RBFA: variants seen among roughly 807,000 people sequenced by gnomAD.
The protein encoded by RBFA is putative ribosome-binding factor A, mitochondrial.
RBFA carries 16 observed loss-of-function variants against 27.9 expected under a neutral mutation model. The ratio of observed to expected loss-of-function variants is 0.57; its 90% CI spans 0.39 to 0.87. The LOEUF is 0.87. RBFA is among the 40% of genes least tolerant of loss of function. The pLI, the probability that RBFA is intolerant of heterozygous loss-of-function variation, is 0.00. For missense variants in RBFA, 456 were observed against 432.1 expected, an observed-to-expected ratio of 1.06 and a Z score of -0.49; for synonymous variants, 181 against 181.0, an observed-to-expected ratio of 1.00 and a Z score of 0.00.
intron 4 of RBFA, chr18:80,041,286 C>T: frequency 6.6e-6 from 1 of 152,172 alleles, no homozygotes. Flanking sequence ...TCCCTCTTCC[C>T]AACTCCTGCG....
At chr18:80,041,966 T>G (rs1599768660) in intron 4 of RBFA, 169 bp from the exon 5 acceptor site, 2 of 290,648 alleles carry the variant, frequency 6.9e-6, no homozygotes. Flanking sequence ...GACCTCGTGA[T>G]CCGCCCGCCT....
intron 6 of RBFA, among the ~76,000 whole-genome samples, chr18:80,045,098 G>A (rs957697576): frequency 6.6e-6 from 1 of 152,264 alleles, no homozygotes; most frequent in African/African-American, 2.4e-5. Context: ...GCCTTGACTA[G>A]GTGCTGTTCA....
intron 4 of RBFA, 58 bp downstream of exon 4, chr18:80,038,675 G>A: frequency 7.7e-7 from 1 of 1,293,928 alleles, no homozygotes. Flanking sequence ...AAATTTCTCA[G>A]CTGTTTCACT....
Position 80,048,424 on chromosome 18 carries a change from A to G in RBFA, c.*2269A>G, listed in dbSNP as rs932082366. On this transcript the variant is annotated 3_prime_UTR_variant, in exon 7 of 7. Transcript: ENST00000306735. ...CCTTTGCATACACACCTTTGCATGC[A>G]TCTGATGTGCCCAGGCTGTGTTTTA... Among the ~76,000 whole-genome samples the G allele has an allele frequency of 6.6e-6, 1 of 152,174 alleles. No individual in the cohort carries two copies. Among genetic ancestry groups the G allele is most frequent in the Non-Finnish European group, 1.5e-5 (1 of 68,028 alleles).
At position 80,038,739 on chromosome 18, in the gene RBFA, G is replaced by A. The variant is rs1234527555; in HGVS notation, c.491+122G>A. The A allele has an allele frequency of 6.1e-6, 4 of 660,376 alleles. No homozygotes were observed. In the Admixed American group the frequency reaches 9.8e-5, roughly 16 times the overall value. 40.9% of individuals were successfully genotyped at this position (660,376 alleles called of 1,614,324 possible). A position where few individuals can be genotyped will look rare whatever the true frequency, so the allele number is the denominator to read the frequency against. On this transcript the variant is annotated intron_variant, in intron 4 of 6. Coordinates refer to ENST00000306735, the MANE Select transcript of RBFA (RefSeq NM_024805.3). ...TATTTTTGCTTTTAAAGAAAATTTT[G>A]GAGGCATTTTCTTGAAGTTCATAGT...
Position 80,048,032 on chromosome 18 carries a change from G to C in RBFA, c.*1877G>C, listed in dbSNP as rs2052068341. 6.6e-6 allele frequency: 1 copy of C among 152,210 alleles called. No homozygotes were observed. The highest frequency in any genetic ancestry group is 2.4e-5 in the African/African-American group (1 of 41,448). The allele number at this position is 152,210 out of a possible 1,614,324, so 9.4% of individuals were successfully genotyped here. ...TATGTGAATTCATTTATGTACAAGA[G>C]ACCTCCCCATCCTGATGTAGGAAAT... is the stretch of plus-strand genomic sequence containing the variant. On this transcript the variant is annotated 3_prime_UTR_variant, in exon 7 of 7. Transcript: ENST00000306735.
Position 80,049,428 on chromosome 18 carries a change from A to G in RBFA, c.*3273A>G, listed in dbSNP as rs377549793. On this transcript the variant is annotated 3_prime_UTR_variant, in exon 7 of 7. Transcript: ENST00000306735. ...TCCTGGGGATTTTCCGCAGCTCTCC[A>G]GATGACGTGCACGCACACTAAACAC... 2.9e-4 allele frequency among the ~76,000 whole-genome samples: 44 copies of G among 152,364 alleles called. No homozygotes were observed. The South Asian group carries it at 9.1e-3, about 32-fold the overall frequency.
rs2051986459 is a variant in RBFA, at chr18:80,037,365, G to A, written c.237G>A (p.Arg79=). ...YKPSKLEFLM[R]STSKKTRKED... is the part of the protein sequence containing the mutation. ...CATCCAAGTTGGAATTCCTCATGAG[G>A]AGCACCTCAAAGAAAACCAGGAAGG... Residue 79 remains arginine (R), a synonymous_variant, in exon 3 of 7, where the codon AGG becomes AGA. Transcript: ENST00000306735. 5.0e-6 allele frequency: 8 copies of A among 1,613,884 alleles called. No homozygotes were observed. The highest frequency in any genetic ancestry group is 1.1e-5 in the South Asian group (1 of 91,078).
Position 80,045,996 on chromosome 18 carries a change from C to G in RBFA, c.873C>G (p.Ser291=). The G allele has an allele frequency of 6.2e-7, 1 of 1,614,108 alleles. No individual in the cohort carries two copies. The highest frequency in any genetic ancestry group is 8.5e-7 in the Non-Finnish European group (1 of 1,180,034). Residue 291 remains serine, a synonymous_variant, in exon 7 of 7, where the codon TCC becomes TCG. Transcript: ENST00000306735. ...RAKPRLEQDS[S]LKSYLSGEEV... is the part of the protein sequence containing the mutation. ...AGCCCCGCCTGGAGCAGGACAGCTC[C>G]CTCAAGAGTTACCTGTCAGGCGAGG... is the stretch of plus-strand genomic sequence containing the variant.
At chr18:80,043,723 G>A (rs991606100) in intron 5 of RBFA, among the ~76,000 whole-genome samples, 1 of 152,210 alleles carries the variant, frequency 6.6e-6, no homozygotes, top group Non-Finnish European at 1.5e-5. Flanking sequence ...GCCATGGTGT[G>A]GGTGGCATCC....
At position 80,042,134 on chromosome 18, in the gene RBFA, G is replaced by T. The variant is rs765343046; in HGVS notation, c.492-1G>T. On this transcript the variant is annotated splice_acceptor_variant, in intron 4 of 6. Coordinates refer to ENST00000306735, the MANE Select transcript of RBFA (RefSeq NM_024805.3). LOFTEE classifies it high-confidence loss of function. ...GAGGGTCTGTGCGTTCTGTCTCCTA[G>T]GCACCTTTTGATGTCCCAGCAGACC... is the stretch of plus-strand genomic sequence containing the variant. 6.2e-7 allele frequency: 1 copy of T among 1,607,578 alleles called. No individual in the cohort carries two copies. Among genetic ancestry groups the T allele is most frequent in the Non-Finnish European group, 8.5e-7 (1 of 1,176,284 alleles).
chr18:80,043,288 G>T (rs920811047), intron 5 of RBFA, among the ~76,000 whole-genome samples: 38 of 152,178 alleles, frequency 2.5e-4, no homozygotes, highest in Middle Eastern at 3.2e-3. Flanking sequence ...ATCCACAGAA[G>T]AAAAAGATCC....
In RBFA at chr18:80,037,308, T is replaced by A. The variant is rs1020740568; in HGVS notation, c.202-22T>A. On this transcript the variant is annotated intron_variant, in intron 2 of 6. Coordinates refer to ENST00000306735, the MANE Select transcript of RBFA (RefSeq NM_024805.3). ...TGGAGTTGTAACGCTGCCCTTGGGGTGTGCTCTTCTTCCTGATGGAGACTT... is the reference window on the plus strand; with the variant it reads ...TGGAGTTGTAACGCTGCCCTTGGGGAGTGCTCTTCTTCCTGATGGAGACTT... The A allele has an allele frequency of 1.9e-6, 3 of 1,609,366 alleles. No homozygotes were observed. In the African/African-American group the frequency reaches 4.0e-5, roughly 22 times the overall value.
Position 80,049,418 on chromosome 18 carries a change from G to A in RBFA, c.*3263G>A, listed in dbSNP as rs372698715. On this transcript the variant is annotated 3_prime_UTR_variant, in exon 7 of 7. Coordinates refer to ENST00000306735, the MANE Select transcript of RBFA (RefSeq NM_024805.3). ...GATGATCCACTCCTGGGGATTTTCC[G>A]CAGCTCTCCAGATGACGTGCACGCA... Among the ~76,000 whole-genome samples the A allele has an allele frequency of 5.3e-5, 8 of 152,326 alleles. No homozygotes were observed. The South Asian group carries it at 6.2e-4, about 12-fold the overall frequency.
chr18:80,043,902 T>G (rs186611045), intron 5 of RBFA, among the ~76,000 whole-genome samples: 1 of 152,386 alleles, frequency 6.6e-6, no homozygotes, highest in East Asian at 1.9e-4. Context: ...AACCAGTTAA[T>G]GGTTAGTTAG....
intron 1 of RBFA, 125 bp downstream of exon 1, chr18:80,034,778 G>A: frequency 8.3e-7 from 1 of 1,203,236 alleles, no homozygotes; most frequent in South Asian, 1.4e-5. Flanking sequence ...CCTGCCTCCT[G>A]GGGTCTGCAG....
At position 80,038,504 on chromosome 18, in the gene RBFA, G is replaced by A. The variant is rs745882178; in HGVS notation, c.379-1G>A. ...TGACCTGTGGAGGGGCGGGGTCTCA[G>A]GTTTCCCTGACTCCAGACTTCTCAG... On this transcript the variant is annotated splice_acceptor_variant, in intron 3 of 6. Transcript: ENST00000306735. LOFTEE classifies it high-confidence loss of function. 6.2e-6 allele frequency: 10 copies of A among 1,608,044 alleles called. No homozygotes were observed. In the East Asian group the frequency reaches 2.0e-4, roughly 32 times the overall value.
rs375241913 is a variant in RBFA, at chr18:80,045,942, G to C, written c.819G>C (p.Thr273=). The part of the protein sequence containing the change: ...VWQGQVAELT[T]QMKKGRKRAK... The stretch of plus-strand genomic sequence containing the variant: ...AGGGGCAGGTGGCTGAGCTGACAAC[G>C]CAGATGAAAAAGGGAAGGAAGAGGG... The change falls in exon 7 of 7, where the codon ACG becomes ACC. Residue 273 remains threonine (T), a synonymous_variant. Coordinates refer to ENST00000306735, the MANE Select transcript of RBFA (RefSeq NM_024805.3). 2 of 1,613,972 alleles carry C rather than the reference G, an allele frequency of 1.2e-6. No individual in the cohort carries two copies. Among genetic ancestry groups the C allele is most frequent in the East Asian group, 2.2e-5 (1 of 44,866 alleles).
rs771581743 is a variant in RBFA at position 80,036,644 on chromosome 18, A to G, written c.159-24A>G. On this transcript the variant is annotated intron_variant, in intron 1 of 6. Transcript: ENST00000306735. ...ACTTTTTGACTTTGCCATCACTAACATAATGCTTATTTTCTCCCCAAAGAA... is the reference window on the plus strand; with the variant it reads ...ACTTTTTGACTTTGCCATCACTAACGTAATGCTTATTTTCTCCCCAAAGAA... 25 of 1,601,240 alleles carry G rather than the reference A, an allele frequency of 1.6e-5. No homozygotes were observed. In the South Asian group the frequency reaches 2.7e-4, roughly 17 times the overall value.
Sources: gnomAD v4.1 joint callset for allele counts (sites outside exome capture counted in the v4.1 genomes callset) on GRCh38, gnomAD v4.1.1 for gene constraint, MANE v1.5 for transcripts, NCBI Gene and HGNC (gene_info 2026-07-23, HGNC 2026-07-21) for gene names.